JCHAIN: variants seen among roughly 807,000 people sequenced by gnomAD.
JCHAIN encodes immunoglobulin J chain.
In JCHAIN, 5 loss-of-function variants were observed where a neutral mutation model predicts 11.1. That is an observed-to-expected ratio of 0.45 (90% confidence interval 0.24 to 0.95). JCHAIN has a LOEUF of 0.95. Among genes scored for constraint, JCHAIN ranks in the 40% least tolerant of loss-of-function variants. The probability of loss-of-function intolerance (pLI) is 0.21; values close to 1 mark genes in which losing one functional copy is unlikely to be tolerated. For synonymous variants in JCHAIN, 51 were observed against 67.8 expected, an observed-to-expected ratio of 0.75 and a Z score of 1.22; for missense variants, 165 against 192.7, an observed-to-expected ratio of 0.86 and a Z score of 0.85.
chr4:70,656,089 G>A lies in JCHAIN; in HGVS notation c.*240C>T. ...AAGAGAGCATACCTCTTTCAGGTGA[G>A]CATGATAATTGGAAGATTTTGATAC... On this transcript the variant is annotated 3_prime_UTR_variant, in exon 4 of 4. Transcript: ENST00000254801. 1 of 464,798 alleles carries A rather than the reference G, an allele frequency of 2.2e-6. No individual in the cohort carries two copies. 28.8% of individuals were successfully genotyped at this position (464,798 alleles called of 1,614,324 possible).
intron 1 of JCHAIN, among the ~76,000 whole-genome samples, chr4:70,663,813 G>A (rs113107465): frequency 0.014 from 2,158 of 149,128 alleles, 50 homozygotes; most frequent in African/African-American, 0.05. Context: ...CACCCTCCTC[G>A]GCCTCCCAAA....
intron 2 of JCHAIN, among the ~76,000 whole-genome samples, chr4:70,659,450 T>A (rs1165648516): frequency 7.0e-6 from 1 of 142,200 alleles, no homozygotes; most frequent in Non-Finnish European, 1.5e-5. Context: ...CTAGGGAGAC[T>A]GAGGCAGAAG....
At chr4:70,662,605 A>T (rs906202589) in intron 1 of JCHAIN, among the ~76,000 whole-genome samples, 2 of 152,166 alleles carry the variant, frequency 1.3e-5, no homozygotes, top group African/African-American at 4.8e-5. Context: ...CTGCCTTTTC[A>T]TAATAACAAT....
At chr4:70,658,317 A>C (rs1005310726) in intron 2 of JCHAIN, among the ~76,000 whole-genome samples, 5 of 152,136 alleles carry the variant, frequency 3.3e-5, no homozygotes, top group African/African-American at 1.2e-4. Flanking sequence ...TCCTTTCTAA[A>C]AATGCAAGCT....
chr4:70,658,901 G>T (rs189015595), intron 2 of JCHAIN, among the ~76,000 whole-genome samples: 20 of 152,242 alleles, frequency 1.3e-4, no homozygotes, highest in Non-Finnish European at 2.5e-4. Context: ...ACGGTTTCCT[G>T]TTAGACTATA....
intron 1 of JCHAIN, 117 bp downstream of exon 1, chr4:70,666,310 G>A: frequency 1.5e-6 from 1 of 650,840 alleles, no homozygotes; most frequent in Non-Finnish European, 2.7e-6. Context: ...AGCATGTTAG[G>A]AAAAAGTAGC....
intron 1 of JCHAIN, among the ~76,000 whole-genome samples, chr4:70,662,949 A>G (rs1417132729): frequency 6.6e-6 from 1 of 151,220 alleles, no homozygotes; most frequent in African/African-American, 2.4e-5. Context: ...ACAGAGTGAG[A>G]CTTCATCTCA....
At chr4:70,662,691 T>C (rs1239845135) in intron 1 of JCHAIN, among the ~76,000 whole-genome samples, 1 of 152,206 alleles carries the variant, frequency 6.6e-6, no homozygotes, top group African/African-American at 2.4e-5. Context: ...CAGGGCGCAG[T>C]GGCTCATGCC....
rs1344541098 is a variant in JCHAIN at position 70,655,655 on chromosome 4, A to C, written c.*674T>G. 6.6e-6 allele frequency: 1 copy of C among 152,198 alleles called. No individual in the cohort carries two copies. Among genetic ancestry groups the C allele is most frequent in the African/African-American group, 2.4e-5 (1 of 41,442 alleles). 9.4% of individuals were successfully genotyped at this position (152,198 alleles called of 1,614,324 possible). On this transcript the variant is annotated 3_prime_UTR_variant, in exon 4 of 4. Transcript: ENST00000254801. ...GGATTGTTTCAAATGGCAATTTCTT[A>C]CACTAACCTGATTATGAAAAAAAGA...
chr4:70,662,925 C>CT (rs1462176437), intron 1 of JCHAIN, among the ~76,000 whole-genome samples: 1 of 150,334 alleles, frequency 6.7e-6, no homozygotes, highest in Non-Finnish European at 1.5e-5. Flanking sequence ...TGCCACTGCA[C>CT]TCCAGCTTGG....
chr4:70,656,921 T>C (rs1738960936), intron 3 of JCHAIN, among the ~76,000 whole-genome samples: 1 of 152,186 alleles, frequency 6.6e-6, no homozygotes, highest in Non-Finnish European at 1.5e-5. Flanking sequence ...CACCTGCCTT[T>C]TTATAAGATC....
Position 70,661,602 on chromosome 4 carries a change from C to T in JCHAIN, c.188+490G>A, listed in dbSNP as rs556968904. On this transcript the variant is annotated intron_variant, in intron 2 of 3. Transcript: ENST00000254801. ...CTCAGAAGTTCGAGAACAGCCTGGG[C>T]AACATAGTGAGACCCTGTCTCTAAA... 9.5e-4 allele frequency among the ~76,000 whole-genome samples: 145 copies of T among 152,158 alleles called. 1 individual carries two copies. The highest frequency in any genetic ancestry group is 1.6e-3 in the Admixed American group (24 of 15,282).
rs966520541 is a variant in JCHAIN at position 70,666,315 on chromosome 4, A to G, written c.64+112T>C. 7.5e-6 allele frequency: 5 copies of G among 665,036 alleles called. No homozygotes were observed. The Admixed American group carries it at 1.4e-4, about 19-fold the overall frequency. The allele number at this position is 665,036 out of a possible 1,614,324, so 41.2% of individuals were successfully genotyped here. A position where few individuals can be genotyped will look rare whatever the true frequency, so the allele number is the denominator to read the frequency against. ...GAAAGATGAAAGCATGTTAGGAAAAAGTAGCTGGCTAACTGGCCAACCAAA... is the reference window on the plus strand; with the variant it reads ...GAAAGATGAAAGCATGTTAGGAAAAGGTAGCTGGCTAACTGGCCAACCAAA... On this transcript the variant is annotated intron_variant, in intron 1 of 3. Coordinates refer to ENST00000254801, the MANE Select transcript of JCHAIN (RefSeq NM_144646.4).
At chr4:70,661,986 A>G in intron 2 of JCHAIN, 106 bp downstream of exon 2, 1 of 1,082,110 alleles carries the variant, frequency 9.2e-7, no homozygotes, top group Non-Finnish European at 1.4e-6. Context: ...AGTGCTACAC[A>G]GCAAAAAGGG....
chr4:70,658,956 C>A (rs1253972210), intron 2 of JCHAIN, among the ~76,000 whole-genome samples: 1 of 152,128 alleles, frequency 6.6e-6, no homozygotes. Context: ...ACTGTTTTAT[C>A]CCCACCACCA....
intron 2 of JCHAIN, among the ~76,000 whole-genome samples, chr4:70,658,894 G>A (rs1366814032): frequency 6.6e-6 from 1 of 152,128 alleles, no homozygotes; most frequent in African/African-American, 2.4e-5. Context: ...ATTGTTTACG[G>A]TTTCCTGTTA....
rs796394007 is a variant in JCHAIN, at chr4:70,657,509, A to G, written c.189-218T>C. ...TAAACCTCACAACAACTCCGCTGTC[A>G]ACTATCTTTGCTGACTTGGCAAATT... On this transcript the variant is annotated intron_variant, in intron 2 of 3. Transcript: ENST00000254801. Among the ~76,000 whole-genome samples the G allele has an allele frequency of 4.6e-4, 70 of 152,294 alleles. 1 individual carries two copies. Among genetic ancestry groups the G allele is most frequent in the African/African-American group, 1.5e-3 (63 of 41,568 alleles).
chr4:70,660,422 C>A (rs1264596223), intron 2 of JCHAIN, among the ~76,000 whole-genome samples: 2 of 150,674 alleles, frequency 1.3e-5, no homozygotes, highest in African/African-American at 2.5e-5. Context: ...CTCTTGTCCC[C>A]CAGGCTGGAG....
At chr4:70,662,967 A>AT (rs1739090607) in intron 1 of JCHAIN, among the ~76,000 whole-genome samples, 1 of 152,098 alleles carries the variant, frequency 6.6e-6, no homozygotes, top group Non-Finnish European at 1.5e-5. Flanking sequence ...TCAAAAAAAA[A>AT]AGGAAAAAAA....
Sources: allele counts gnomAD v4.1 joint callset (sites outside exome capture counted in the v4.1 genomes callset), GRCh38; gene constraint gnomAD v4.1.1; transcripts MANE v1.5; gene names NCBI Gene and HGNC (gene_info 2026-07-23, HGNC 2026-07-21).